TAF4B: variants seen among roughly 807,000 people sequenced by gnomAD.
TAF4B encodes transcription initiation factor TFIID subunit 4B.
Under a neutral mutation model 86.4 loss-of-function variants are expected in TAF4B, and 38 were observed. That is an observed-to-expected ratio of 0.44 (90% CI 0.34 to 0.58). TAF4B has a LOEUF of 0.58. Among genes scored for constraint, TAF4B ranks in the 20% least tolerant of loss-of-function variants. The pLI, the probability that TAF4B is intolerant of heterozygous loss-of-function variation, is 0.02. For missense variants in TAF4B, 988 were observed against 1,027.6 expected (o/e 0.96, Z 0.53); for synonymous variants, 388 against 391.2 (o/e 0.99, Z 0.10).
At chr18:26,270,718 A>T (rs192824783) in intron 3 of TAF4B, among the ~76,000 whole-genome samples, 1 of 150,510 alleles carries the variant, frequency 6.6e-6, no homozygotes, top group Non-Finnish European at 1.5e-5. Context: ...GTTTCTTGCA[A>T]CTATGAATGT....
intron 9 of TAF4B, among the ~76,000 whole-genome samples, chr18:26,297,552 G>A (rs896525622): frequency 5.3e-5 from 8 of 152,164 alleles, no homozygotes. Flanking sequence ...TATGACATGA[G>A]TGACCCAATT....
At chr18:26,305,575 T>G (rs980784511) in intron 9 of TAF4B, among the ~76,000 whole-genome samples, 1 of 152,128 alleles carries the variant, frequency 6.6e-6, no homozygotes, top group Non-Finnish European at 1.5e-5. Flanking sequence ...CCCAGCTTAT[T>G]TTTGTATTTT....
intron 13 of TAF4B, among the ~76,000 whole-genome samples, chr18:26,346,851 A>ATG (rs2057196422): frequency 5.4e-5 from 1 of 18,654 alleles, no homozygotes; most frequent in African/African-American, 1.9e-4. Context: ...GTGTGTATAT[A>ATG]TATATATGTG....
At chr18:26,357,654 G>T in intron 13 of TAF4B, 36 bp from the exon 14 acceptor site, 1 of 1,444,934 alleles carries the variant, frequency 6.9e-7, no homozygotes, top group Non-Finnish European at 9.6e-7. Context: ...GCATGAATGT[G>T]TATAAACATT....
At chr18:26,240,300 G>A (rs916735386) in intron 1 of TAF4B, among the ~76,000 whole-genome samples, 175 of 152,210 alleles carry the variant, frequency 1.1e-3, no homozygotes, top group African/African-American at 2.9e-3. Context: ...GGTCCTTCAC[G>A]TCCCTTGTAA....
At chr18:26,301,357 G>A (rs963541019) in intron 9 of TAF4B, among the ~76,000 whole-genome samples, 7 of 150,460 alleles carry the variant, frequency 4.7e-5, no homozygotes, top group African/African-American at 1.7e-4. Context: ...CACAATCATA[G>A]CTCACTGCAG....
In TAF4B at chr18:26,365,463, A is replaced by G. The variant is rs145017308; in HGVS notation, c.2421+7669A>G. Reference sequence around the variant, plus strand: ...TTGTAGCCAAAAAGAAAGTCTGGAAAGCTAGATGGGAGTGTCTTGGAGAGG... The same window carrying G: ...TTGTAGCCAAAAAGAAAGTCTGGAAGGCTAGATGGGAGTGTCTTGGAGAGG... On this transcript the variant is annotated intron_variant, in intron 14 of 14. Transcript: ENST00000269142. Among the ~76,000 whole-genome samples the G allele has an allele frequency of 1.9e-3, 289 of 152,326 alleles. 2 individuals are homozygous for G. The highest frequency in any genetic ancestry group is 6.8e-3 in the African/African-American group (282 of 41,586).
rs1415896427 is a variant in TAF4B at position 26,335,187 on chromosome 18, AAAG to A, written c.2277_2279del (p.Glu759del). The A allele has an allele frequency of 3.7e-6, 6 of 1,612,670 alleles. No individual in the cohort carries two copies. Among genetic ancestry groups the A allele is most frequent in the Non-Finnish European group, 5.1e-6 (6 of 1,178,870 alleles). On this transcript the variant is annotated inframe_deletion, in exon 13 of 15. Transcript: ENST00000269142. ...TTTCCTTTGATAGAGTCGTTCTAAT[AAAG>A]AAGATCCAGAACAGCTGAGATTAAA...
intron 13 of TAF4B, among the ~76,000 whole-genome samples, chr18:26,335,740 G>C (rs1049093480): frequency 1.3e-5 from 2 of 152,124 alleles, no homozygotes; most frequent in African/African-American, 4.8e-5. Flanking sequence ...TAGCTGCAGG[G>C]GTTTTAGTTT....
intron 9 of TAF4B, among the ~76,000 whole-genome samples, chr18:26,312,704 T>G (rs185640822): frequency 1.4e-4 from 21 of 152,232 alleles, no homozygotes; most frequent in Middle Eastern, 6.8e-3. Context: ...AGGTGCAATT[T>G]CCAGGGGCCT....
At chr18:26,239,217 G>A (rs1448834339) in intron 1 of TAF4B, among the ~76,000 whole-genome samples, 1 of 152,162 alleles carries the variant, frequency 6.6e-6, no homozygotes, top group African/African-American at 2.4e-5. Context: ...CAGTGTAAAA[G>A]TGTTCCTATT....
chr18:26,346,857 A>ATATGTG (rs1344017532), intron 13 of TAF4B, among the ~76,000 whole-genome samples: 1 of 9,848 alleles, frequency 1.0e-4, no homozygotes, highest in Non-Finnish European at 3.2e-4. Context: ...ATATATATAT[A>ATATGTG]TGTGTATATA....
At chr18:26,297,135 A>T (rs1051385916) in intron 9 of TAF4B, among the ~76,000 whole-genome samples, 7 of 90,006 alleles carry the variant, frequency 7.8e-5, no homozygotes, top group East Asian at 5.3e-4. Flanking sequence ...CTGTCTCATT[A>T]AAAAAAAAAA....
chr18:26,244,090 A>G (rs143109803), intron 1 of TAF4B, among the ~76,000 whole-genome samples: 43 of 152,204 alleles, frequency 2.8e-4, no homozygotes, highest in African/African-American at 1.0e-3. Flanking sequence ...GAGAATCACT[A>G]CCCTCTTCAA....
At chr18:26,313,661 T>C (rs1360447169) in intron 9 of TAF4B, among the ~76,000 whole-genome samples, 1 of 149,258 alleles carries the variant, frequency 6.7e-6, no homozygotes, top group African/African-American at 2.6e-5. Context: ...AGCAGTTTAC[T>C]TTCCTTGAGT....
chr18:26,323,227 T>C (rs568739031), intron 11 of TAF4B, among the ~76,000 whole-genome samples: 1 of 152,328 alleles, frequency 6.6e-6, no homozygotes, highest in Non-Finnish European at 1.5e-5. Context: ...AGATGTCTGA[T>C]AGATATAGTT....
intron 1 of TAF4B, among the ~76,000 whole-genome samples, chr18:26,235,719 G>A (rs909959600): frequency 1.3e-5 from 2 of 152,216 alleles, no homozygotes; most frequent in East Asian, 3.9e-4. Context: ...TCAGAGTGCA[G>A]GGGAGTGCAG....
At chr18:26,346,845 G>GTATA (rs1243558379) in intron 13 of TAF4B, among the ~76,000 whole-genome samples, 1 of 13,962 alleles carries the variant, frequency 7.2e-5, no homozygotes, top group African/African-American at 1.4e-4. Context: ...ATGTGTGTGT[G>GTATA]TATATATATA....
intron 3 of TAF4B, among the ~76,000 whole-genome samples, chr18:26,268,814 G>A (rs2056275989): frequency 6.6e-6 from 1 of 151,814 alleles, no homozygotes; most frequent in Non-Finnish European, 1.5e-5. Flanking sequence ...TTTTTATTTT[G>A]TTTTGTTTTA....
Sources: gnomAD v4.1 joint callset for allele counts (sites outside exome capture counted in the v4.1 genomes callset) on GRCh38, gnomAD v4.1.1 for gene constraint, MANE v1.5 for transcripts, NCBI Gene and HGNC (gene_info 2026-07-23, HGNC 2026-07-21) for gene names.